The following DOCK4 variants were observed in gnomAD, a reference collection of about 807,000 sequenced individuals.
DOCK4 encodes dedicator of cytokinesis protein 4.
DOCK4 carries 97 observed loss-of-function variants against 268.1 expected under a neutral mutation model. The ratio of observed to expected loss-of-function variants is 0.36; its 90% confidence interval spans 0.31 to 0.43. The LOEUF (loss-of-function observed/expected upper bound fraction) is 0.43. DOCK4 is among the 20% of genes least tolerant of loss of function. The pLI, the probability that DOCK4 is intolerant of heterozygous loss-of-function variation, is 1.00. For missense variants in DOCK4, 2,145 were observed against 2,455.7 expected, an observed-to-expected ratio of 0.87 and a Z score of 2.67; for synonymous variants, 954 against 887.2, an observed-to-expected ratio of 1.08 and a Z score of -1.34.
At position 111,902,769 on chromosome 7, in the gene DOCK4, C is replaced by CT. The variant is rs200555795; in HGVS notation, c.1193-969dup. Among the ~76,000 whole-genome samples, 1,094 of 147,176 alleles carry CT rather than the reference C, an allele frequency of 7.4e-3. 6 individuals are homozygous for CT. The highest frequency in any genetic ancestry group is 0.024 in the African/African-American group (953 of 39,956). On this transcript the variant is annotated intron_variant, in intron 13 of 52. Coordinates refer to ENST00000428084, the MANE Select transcript of DOCK4 (RefSeq NM_001363540.2). ...GTAATACTGTTTTCTTTTTTCTTTT[C>CT]TTTTTTTTTTGAGAAAAAAAAGGGA...
At chr7:112,179,463 A>G (rs1156302958) in intron 1 of DOCK4, among the ~76,000 whole-genome samples, 1 of 151,790 alleles carries the variant, frequency 6.6e-6, no homozygotes, top group Non-Finnish European at 1.5e-5. Flanking sequence ...TACAATGTTA[A>G]CATATCATTA....
intron 42 of DOCK4, among the ~76,000 whole-genome samples, chr7:111,752,468 G>C (rs2133525980): frequency 6.6e-6 from 1 of 151,858 alleles, no homozygotes; most frequent in South Asian, 2.1e-4. Context: ...TGATGGGCAG[G>C]ATGTGGTATG....
chr7:111,753,685 T>C (rs187620489), intron 42 of DOCK4, among the ~76,000 whole-genome samples: 123 of 152,338 alleles, frequency 8.1e-4, no homozygotes, highest in African/African-American at 2.8e-3. Flanking sequence ...TGTATTTGTA[T>C]TGAGCACCTA....
At chr7:112,077,065 T>C (rs1808134300) in intron 1 of DOCK4, among the ~76,000 whole-genome samples, 1 of 152,032 alleles carries the variant, frequency 6.6e-6, no homozygotes, top group Non-Finnish European at 1.5e-5. Flanking sequence ...GAAAAGCCAA[T>C]GAGACAGGGA....
chr7:112,083,039 G>C (rs945690706), intron 1 of DOCK4, among the ~76,000 whole-genome samples: 1 of 152,010 alleles, frequency 6.6e-6, no homozygotes, highest in Non-Finnish European at 1.5e-5. Context: ...ATTATAATTA[G>C]CATTAATTGT....
intron 42 of DOCK4, among the ~76,000 whole-genome samples, chr7:111,753,894 A>C (rs2133539533): frequency 6.6e-6 from 1 of 152,346 alleles, no homozygotes; most frequent in East Asian, 1.9e-4. Flanking sequence ...TACATATTCT[A>C]ATAAAGTAGG....
At chr7:111,796,056 C>T (rs901812257) in intron 30 of DOCK4, among the ~76,000 whole-genome samples, 1 of 152,146 alleles carries the variant, frequency 6.6e-6, no homozygotes, top group Admixed American at 6.5e-5. Context: ...TCTCTGCTGG[C>T]AAGATGTTCA....
At chr7:112,148,425 T>C (rs1452915518) in intron 1 of DOCK4, among the ~76,000 whole-genome samples, 1 of 152,120 alleles carries the variant, frequency 6.6e-6, no homozygotes, top group Non-Finnish European at 1.5e-5. Context: ...ATCATGTAAT[T>C]ACAATGAAAA....
chr7:112,171,291 A>G (rs1818058767), intron 1 of DOCK4, among the ~76,000 whole-genome samples: 1 of 152,224 alleles, frequency 6.6e-6, no homozygotes, highest in South Asian at 2.1e-4. Context: ...TACAATTACA[A>G]TCTGCTTCAC....
At position 111,839,908 on chromosome 7, in the gene DOCK4, A is replaced by G. The variant is rs2134054844; in HGVS notation, c.2736+4855T>C. Among the ~76,000 whole-genome samples, 4 of 152,256 alleles carry G rather than the reference A, an allele frequency of 2.6e-5. No individual in the cohort carries two copies. In the Middle Eastern group the frequency reaches 0.01, roughly 388 times the overall value. ...GTAAGTCTTTTAGCGGTGACTTCCA[A>G]TTACTAATGTATATTTTATCCATAA... On this transcript the variant is annotated intron_variant, in intron 25 of 52. Coordinates refer to ENST00000428084, the MANE Select transcript of DOCK4 (RefSeq NM_001363540.2).
chr7:112,163,914 C>T (rs1309757869), intron 1 of DOCK4, among the ~76,000 whole-genome samples: 12 of 152,164 alleles, frequency 7.9e-5, no homozygotes, highest in Admixed American at 7.2e-4. Flanking sequence ...TCCTTTCATC[C>T]AAGTGTTTTG....
intron 37 of DOCK4, among the ~76,000 whole-genome samples, chr7:111,769,255 C>G (rs1797961138): frequency 6.6e-6 from 1 of 152,196 alleles, no homozygotes; most frequent in Non-Finnish European, 1.5e-5. Flanking sequence ...ACATTGGACT[C>G]TCCTAGGGTC....
At chr7:112,010,050 C>A (rs1347359667) in intron 1 of DOCK4, among the ~76,000 whole-genome samples, 1 of 152,176 alleles carries the variant, frequency 6.6e-6, no homozygotes, top group East Asian at 1.9e-4. Context: ...CTCCTGAGCT[C>A]AAGCAACTTG....
At chr7:111,943,349 C>G (rs941319001) in intron 10 of DOCK4, among the ~76,000 whole-genome samples, 1 of 152,166 alleles carries the variant, frequency 6.6e-6, no homozygotes, top group African/African-American at 2.4e-5. Flanking sequence ...GTCCATGGGC[C>G]AGAAGGCACA....
intron 30 of DOCK4, among the ~76,000 whole-genome samples, chr7:111,798,992 C>T (rs932642318): frequency 6.6e-6 from 1 of 152,126 alleles, no homozygotes; most frequent in African/African-American, 2.4e-5. Flanking sequence ...CAGAAAGAAA[C>T]AAGTGAGGTA....
intron 16 of DOCK4, among the ~76,000 whole-genome samples, chr7:111,889,419 C>T (rs771135638): frequency 4.6e-5 from 7 of 152,076 alleles, no homozygotes; most frequent in African/African-American, 4.8e-5. Flanking sequence ...GGGCAGCAGG[C>T]TAGATTGCAA....
At chr7:112,070,092 G>A (rs756523586) in intron 1 of DOCK4, among the ~76,000 whole-genome samples, 1 of 152,204 alleles carries the variant, frequency 6.6e-6, no homozygotes, top group Non-Finnish European at 1.5e-5. Context: ...CATTTTAATG[G>A]CAGTGTGGAA....
At position 112,194,188 on chromosome 7, in the gene DOCK4, TG is replaced by T. The variant is rs1820220165; in HGVS notation, c.37+11913del. The stretch of plus-strand genomic sequence containing the variant: ...ATTGCTAAATAAAACCTCTTCAAAT[TG>T]TTGACTCTCTATGTTGAAAGGTCTG... On this transcript the variant is annotated intron_variant, in intron 1 of 52. Transcript: ENST00000428084. 2.0e-5 allele frequency among the ~76,000 whole-genome samples: 3 copies of T among 152,316 alleles called. No individual in the cohort carries two copies. The South Asian group carries it at 6.2e-4, about 32-fold the overall frequency.
At chr7:111,897,997 C>T (rs1179314569) in intron 15 of DOCK4, among the ~76,000 whole-genome samples, 2 of 152,186 alleles carry the variant, frequency 1.3e-5, no homozygotes, top group African/African-American at 2.4e-5. Flanking sequence ...ATGCAGAACA[C>T]TTTAAATCTC....
Sources: allele counts gnomAD v4.1 joint callset (sites outside exome capture counted in the v4.1 genomes callset), GRCh38; gene constraint gnomAD v4.1.1; transcripts MANE v1.5; gene names NCBI Gene and HGNC (gene_info 2026-07-23, HGNC 2026-07-21).